The following QRSL1 variants were observed in gnomAD, a reference collection of about 807,000 sequenced individuals.
QRSL1 encodes the protein glutaminyl-tRNA amidotransferase subunit QRSL1, also known as glutamyl-tRNA(Gln) amidotransferase subunit A, mitochondrial.
QRSL1 carries 54 observed loss-of-function variants against 61.6 expected under a neutral mutation model. The ratio of observed to expected loss-of-function variants is 0.88; its 90% confidence interval spans 0.70 to 1.10. The LOEUF (loss-of-function observed/expected upper bound fraction) is 1.10. Among genes scored for constraint, QRSL1 ranks in the 50% least tolerant of loss-of-function variants. The probability of loss-of-function intolerance (pLI) is 0.00; values close to 1 mark genes in which losing one functional copy is unlikely to be tolerated. For synonymous variants in QRSL1, 228 were observed against 225.7 expected (o/e 1.01, Z -0.09); for missense variants, 505 against 622.6 (o/e 0.81, Z 2.01).
chr6:106,640,335 T>A lies in QRSL1; in HGVS notation c.25-14T>A. On this transcript the variant is annotated splice_polypyrimidine_tract_variant and intron_variant, in intron 1 of 10. Coordinates refer to ENST00000369046, the MANE Select transcript of QRSL1 (RefSeq NM_018292.5). ...CAGACTCAGTAAAAGGTTTTTGAAT[T>A]GTATACACTATAGGTTTCTGCGGCA... The A allele has an allele frequency of 6.2e-7, 1 of 1,604,024 alleles. No individual in the cohort carries two copies. Among genetic ancestry groups the A allele is most frequent in the Non-Finnish European group, 8.5e-7 (1 of 1,174,070 alleles).
intron 4 of QRSL1, among the ~76,000 whole-genome samples, chr6:106,645,907 T>G (rs1341791093): frequency 6.6e-6 from 1 of 152,224 alleles, no homozygotes; most frequent in African/African-American, 2.4e-5. Context: ...TTGTGTAGTC[T>G]ACAAATAGAG....
At position 106,639,122 on chromosome 6, in the gene QRSL1, T is replaced by TTTG. The variant is rs1562165057; in HGVS notation, c.25-1225_25-1224insGTT. ...GTGGTTATTTGTGTGTTTTGTTGTT[T>TTTG]TTTTTTTTTTTTTTTTTTTTTTTTG... is the stretch of plus-strand genomic sequence containing the variant. On this transcript the variant is annotated intron_variant, in intron 1 of 10. Coordinates refer to ENST00000369046, the MANE Select transcript of QRSL1 (RefSeq NM_018292.5). Among the ~76,000 whole-genome samples the TTTG allele has an allele frequency of 7.5e-4, 43 of 57,354 alleles. 2 individuals carry two copies. Among genetic ancestry groups the TTTG allele is most frequent in the African/African-American group, 2.4e-3 (41 of 17,416 alleles). The allele number at this position is 57,354 out of a possible 152,430, so 37.6% of individuals were successfully genotyped here. A position where few individuals can be genotyped will look rare whatever the true frequency, so the allele number is the denominator to read the frequency against.
At chr6:106,634,591 C>G (rs1325072657) in intron 1 of QRSL1, among the ~76,000 whole-genome samples, 1 of 152,108 alleles carries the variant, frequency 6.6e-6, no homozygotes, top group African/African-American at 2.4e-5. Context: ...ATGTGGCGAA[C>G]CCTGTCTTTA....
chr6:106,639,998 AC>A (rs1251414093), intron 1 of QRSL1: 1 of 171,240 alleles, frequency 5.8e-6, no homozygotes, highest in Non-Finnish European at 1.2e-5. Context: ...CAGCTAAGCT[AC>A]CCTCTGTACA....
intron 9 of QRSL1, among the ~76,000 whole-genome samples, chr6:106,661,694 T>C (rs1345552052): frequency 8.9e-5 from 8 of 90,114 alleles, no homozygotes; most frequent in Non-Finnish European, 1.7e-4. Flanking sequence ...TTCTTTTTTT[T>C]TTTTTTTTTT....
chr6:106,659,538 A>G (rs953021728), intron 9 of QRSL1, among the ~76,000 whole-genome samples: 4 of 149,768 alleles, frequency 2.7e-5, no homozygotes, highest in African/African-American at 9.7e-5. Context: ...TCATTTTTGC[A>G]TCTGTGTGTA....
intron 9 of QRSL1, 48 bp downstream of exon 9, chr6:106,655,780 A>C (rs1196267400): frequency 2.7e-6 from 3 of 1,131,358 alleles, no homozygotes; most frequent in Non-Finnish European, 4.0e-6. Context: ...AACCTCAAGT[A>C]ACATGTCTCT....
At position 106,665,772 on chromosome 6, in the gene QRSL1, CT is replaced by C; in HGVS notation, c.1367-6del. 1 of 1,613,008 alleles carries C rather than the reference CT, an allele frequency of 6.2e-7. No individual in the cohort carries two copies. Among genetic ancestry groups the C allele is most frequent in the Non-Finnish European group, 8.5e-7 (1 of 1,179,046 alleles). ...AATTAATCACCTACTGGGTTTCCTTCTTTTCCCAGGATTGCCAGCAGTGAGT... is the reference window on the plus strand; with the variant it reads ...AATTAATCACCTACTGGGTTTCCTTCTTTCCCAGGATTGCCAGCAGTGAGT... On this transcript the variant is annotated splice_polypyrimidine_tract_variant and intron_variant, in intron 10 of 10. Coordinates refer to ENST00000369046, the MANE Select transcript of QRSL1 (RefSeq NM_018292.5).
Position 106,640,417 on chromosome 6 carries a change from C to G in QRSL1, c.93C>G (p.Ile31Met), listed in dbSNP as rs1776999940. 1.9e-6 allele frequency: 3 copies of G among 1,612,074 alleles called. No individual in the cohort carries two copies. Among genetic ancestry groups the G allele is most frequent in the Non-Finnish European group, 2.5e-6 (3 of 1,178,770 alleles). ...TCTGTCAAAAATGTCTCTCTCTTAT[C>G]AAGAAGACCAAGTTTCTAAATGCCT... ...TELCQKCLSL[I>M]KKTKFLNAYI... is the part of the protein sequence containing the mutation. The change falls in exon 2 of 11, where the codon ATC (isoleucine) becomes ATG (methionine). Residue 31 changes from isoleucine (I) to methionine (M), a missense_variant. By Grantham distance (10) the Ile-to-Met change is conservative (BLOSUM62 1). Coordinates refer to ENST00000369046, the MANE Select transcript of QRSL1 (RefSeq NM_018292.5).
chr6:106,642,893 C>G, intron 3 of QRSL1, 101 bp from the exon 4 acceptor site: 1 of 872,480 alleles, frequency 1.1e-6, no homozygotes, highest in Non-Finnish European at 1.9e-6. Context: ...GGCTCCTGAG[C>G]TGTTGGAGCC....
intron 8 of QRSL1, 135 bp downstream of exon 8, chr6:106,655,057 C>A: frequency 2.4e-6 from 2 of 829,924 alleles, no homozygotes. Context: ...ATCATTTTAC[C>A]TTTGTCATTT....
intron 3 of QRSL1, among the ~76,000 whole-genome samples, chr6:106,641,149 A>G (rs1777012693): frequency 6.6e-6 from 1 of 152,178 alleles, no homozygotes; most frequent in African/African-American, 2.4e-5. Context: ...AAATTCTATT[A>G]ATATTTAGGA....
intron 10 of QRSL1, among the ~76,000 whole-genome samples, 174 bp from the exon 11 acceptor site, chr6:106,665,608 A>G (rs918353213): frequency 6.6e-6 from 1 of 152,272 alleles, no homozygotes; most frequent in Non-Finnish European, 1.5e-5. Context: ...AATGATTTCC[A>G]AGATATATTG....
chr6:106,662,922 T>C (rs1777379035), intron 9 of QRSL1, 58 bp from the exon 10 acceptor site: 6 of 1,380,056 alleles, frequency 4.3e-6, no homozygotes, highest in South Asian at 1.2e-5. Context: ...TGTAAGATAA[T>C]TGATTAAAAG....
At chr6:106,631,658 GTT>G (rs112157126) in intron 1 of QRSL1, among the ~76,000 whole-genome samples, 2 of 151,284 alleles carry the variant, frequency 1.3e-5, no homozygotes, top group Admixed American at 6.6e-5. Flanking sequence ...TCTTATGATT[GTT>G]TTTAAAAAAA....
chr6:106,629,639 C>T lies in QRSL1; in HGVS notation c.-43C>T, dbSNP rs369690951. The T allele has an allele frequency of 5.7e-5, 90 of 1,583,422 alleles. No homozygotes were observed. The highest frequency in any genetic ancestry group is 7.5e-5 in the Non-Finnish European group (87 of 1,165,768). On this transcript the variant is annotated 5_prime_UTR_variant, in exon 1 of 11. Coordinates refer to ENST00000369046, the MANE Select transcript of QRSL1 (RefSeq NM_018292.5). ...ACTAGCGACCGGTGACCTCTTTTTC[C>T]CCCTTGCCTGGCTCCTGTGGTGGCA... is the stretch of plus-strand genomic sequence containing the variant.
chr6:106,650,276 A>T (rs1777171873), intron 5 of QRSL1, among the ~76,000 whole-genome samples: 1 of 152,206 alleles, frequency 6.6e-6, no homozygotes, highest in Non-Finnish European at 1.5e-5. Flanking sequence ...CATAGCCGTC[A>T]GTGAATGCTA....
intron 1 of QRSL1, among the ~76,000 whole-genome samples, chr6:106,630,783 G>A (rs149145592): frequency 9.8e-4 from 149 of 152,192 alleles, no homozygotes; most frequent in African/African-American, 3.5e-3. Flanking sequence ...CGTTTTGTTT[G>A]TTTCCCAGCT....
In QRSL1 at chr6:106,637,489, G is replaced by A. The variant is rs540949565; in HGVS notation, c.25-2860G>A. On this transcript the variant is annotated intron_variant, in intron 1 of 10. Coordinates refer to ENST00000369046, the MANE Select transcript of QRSL1 (RefSeq NM_018292.5). ...GAAAAGTAGTACCAGGAAGGCTATA[G>A]GTCAGCATACTGGGGAGCGTGGTGT... Among the ~76,000 whole-genome samples, 12 of 150,756 alleles carry A rather than the reference G, an allele frequency of 8.0e-5. No homozygotes were observed. In the South Asian group the frequency reaches 2.5e-3, roughly 31 times the overall value.
Sources: allele counts gnomAD v4.1 joint callset (sites outside exome capture counted in the v4.1 genomes callset), GRCh38; gene constraint gnomAD v4.1.1; transcripts MANE v1.5; gene names NCBI Gene and HGNC (gene_info 2026-07-23, HGNC 2026-07-21).